TYRO3: variants seen among roughly 807,000 people sequenced by gnomAD.
The protein encoded by TYRO3 is TYRO3 protein tyrosine kinase.
TYRO3 carries 38 observed loss-of-function variants against 95.2 expected under a neutral mutation model. The observed-to-expected ratio is 0.40, with a 90% CI of 0.31 to 0.52. The LOEUF is 0.52. Among genes scored for constraint, TYRO3 ranks in the 20% least tolerant of loss-of-function variants. The probability of loss-of-function intolerance (pLI) is 0.56; values close to 1 mark genes in which losing one functional copy is unlikely to be tolerated. For synonymous variants in TYRO3, 367 were observed against 432.9 expected (o/e 0.85, Z 1.89); for missense variants, 812 against 1,116.4 (o/e 0.73, Z 3.89).
Position 41,568,248 on chromosome 15 carries a change from C to A in TYRO3, c.993C>A (p.Ala331=), listed in dbSNP as rs375950983. The part of the protein sequence containing the change: ...APASAPQNLH[A]IRTDSGLILE... ...CCAGCGCTCCCCAAAACCTCCATGCCATCCGCACAGATTCAGGCCTCATCT... is the reference window on the plus strand; with the variant it reads ...CCAGCGCTCCCCAAAACCTCCATGCAATCCGCACAGATTCAGGCCTCATCT... Residue 331 remains alanine (A), a synonymous_variant, in exon 8 of 19, where the codon GCC becomes GCA. Transcript: ENST00000263798. 1 of 1,612,860 alleles carries A rather than the reference C, an allele frequency of 6.2e-7. No homozygotes were observed. The highest frequency in any genetic ancestry group is 1.7e-5 in the Admixed American group (1 of 59,990).
rs766182104 is a variant in TYRO3 at position 41,578,093 on chromosome 15, G to C, written c.2490G>C (p.Gly830=). ...CTGGCAGGGATCAGCCCTACAGTGGGGCTGGGGATGGCAGTGGCATGGGGG... is the reference window on the plus strand; with the variant it reads ...CTGGCAGGGATCAGCCCTACAGTGGCGCTGGGGATGGCAGTGGCATGGGGG... ...ELPGRDQPYS[G]AGDGSGMGAV... is the part of the protein sequence containing the mutation. The change falls in exon 19 of 19, where the codon GGG becomes GGC. Residue 830 remains glycine (G), a synonymous_variant. Transcript: ENST00000263798. The C allele has an allele frequency of 3.7e-6, 6 of 1,613,900 alleles. No individual in the cohort carries two copies. The highest frequency in any genetic ancestry group is 2.2e-5 in the East Asian group (1 of 44,890).
At chr15:41,562,484 GTGA>G in intron 3 of TYRO3, 61 bp from the exon 4 acceptor site, 1 of 1,448,636 alleles carries the variant, frequency 6.9e-7, no homozygotes, top group Non-Finnish European at 9.4e-7. Context: ...AAACAGACTT[GTGA>G]TTTGTACAGT....
intron 11 of TYRO3, 85 bp from the exon 12 acceptor site, chr15:41,570,519 C>T (rs1323799496): frequency 1.5e-6 from 2 of 1,363,848 alleles, no homozygotes; most frequent in Non-Finnish European, 2.0e-6. Flanking sequence ...TCTCTATGCT[C>T]TGAGGGCAGA....
intron 7 of TYRO3, among the ~76,000 whole-genome samples, chr15:41,567,758 C>T (rs545969190): frequency 6.6e-6 from 1 of 152,196 alleles, no homozygotes; most frequent in Non-Finnish European, 1.5e-5. Flanking sequence ...AAGAGTGTCC[C>T]CAGGTGGTTA....
At chr15:41,561,978 G>A in intron 3 of TYRO3, 1 of 252,106 alleles carries the variant, frequency 4.0e-6, no homozygotes, top group Non-Finnish European at 7.7e-6. Context: ...GCAGCTGCGG[G>A]AGCTCAGAGC....
Position 41,570,153 on chromosome 15 carries a change from T to G in TYRO3, c.1379T>G (p.Phe460Cys). 6.2e-7 allele frequency: 1 copy of G among 1,614,124 alleles called. No individual in the cohort carries two copies. The highest frequency in any genetic ancestry group is 8.5e-7 in the Non-Finnish European group (1 of 1,179,998). ...LLRKRRKETR[F>C]GQAFDSVMAR... ...CGAAAGAGACGGAAAGAGACGCGGT[T>G]TGGGTAAGGGGATGGGGATGTGGAG... is the stretch of plus-strand genomic sequence containing the variant. The change falls in exon 10 of 19, where the codon TTT becomes TGT. Residue 460 changes from phenylalanine to cysteine, a missense_variant. Transcript: ENST00000263798.
intron 5 of TYRO3, chr15:41,564,794 G>A: frequency 5.7e-6 from 3 of 527,688 alleles, no homozygotes; most frequent in Middle Eastern, 5.3e-4. Context: ...CAGGGCCTTC[G>A]TGGCAGGGAG....
At chr15:41,561,694 G>A (rs1383465785) in intron 3 of TYRO3, 55 bp downstream of exon 3, 2 of 1,303,860 alleles carry the variant, frequency 1.5e-6, no homozygotes, top group African/African-American at 2.9e-5. Context: ...CTGTCTGCTG[G>A]TGACTATACC....
At position 41,564,405 on chromosome 15, in the gene TYRO3, G is replaced by A. The variant is rs766022527; in HGVS notation, c.667+135G>A. The A allele has an allele frequency of 9.8e-5, 80 of 815,418 alleles. No homozygotes were observed. In the Middle Eastern group the frequency reaches 1.4e-3, roughly 14 times the overall value. 50.5% of individuals were successfully genotyped at this position (815,418 alleles called of 1,614,324 possible). A position where few individuals can be genotyped will look rare whatever the true frequency, so the allele number is the denominator to read the frequency against. On this transcript the variant is annotated intron_variant, in intron 5 of 18. Transcript: ENST00000263798. ...GATCTAGGGAGCAAGGGGTTAATTG[G>A]CATAGCTCCCATTCCTAGTGGGAGC...
chr15:41,561,743 C>T (rs547671122), intron 3 of TYRO3, 104 bp downstream of exon 3: 9 of 850,276 alleles, frequency 1.1e-5, no homozygotes, highest in Admixed American at 5.3e-5. Context: ...GGCTGCCCCA[C>T]TGCTCTGTGG....
At chr15:41,574,935 T>C (rs2140834766) in intron 18 of TYRO3, among the ~76,000 whole-genome samples, 1 of 152,290 alleles carries the variant, frequency 6.6e-6, no homozygotes, top group South Asian at 2.1e-4. Context: ...GTCAAGCTGG[T>C]CTTGCGCTCC....
In TYRO3 at chr15:41,572,995, C is replaced by G. The variant is rs752078808; in HGVS notation, c.1876-7C>G. 15 of 1,612,540 alleles carry G rather than the reference C, an allele frequency of 9.3e-6. No homozygotes were observed. In the East Asian group the frequency reaches 3.1e-4, roughly 34 times the overall value. ...TTAAGCCTGAGCTTGGCCTGTCTGT[C>G]CACTAGAACCTACCCCTCCAGACCC... On this transcript the variant is annotated splice_region_variant and splice_polypyrimidine_tract_variant and intron_variant, in intron 15 of 18. Coordinates refer to ENST00000263798, the MANE Select transcript of TYRO3 (RefSeq NM_006293.4).
intron 6 of TYRO3, among the ~76,000 whole-genome samples, chr15:41,566,848 A>G (rs2055730680): frequency 6.6e-6 from 1 of 152,238 alleles, no homozygotes; most frequent in Non-Finnish European, 1.5e-5. Flanking sequence ...CTGATTTATA[A>G]TGTTTAAATA....
rs771626601 is a variant in TYRO3 at position 41,568,288 on chromosome 15, G to A, written c.1033G>A (p.Val345Met). ...AGGCCTCATCTTGGAGTGGGAAGAA[G>A]TGATCCCCGAGGCCCCTTTGGAAGG... is the stretch of plus-strand genomic sequence containing the variant. ...DSGLILEWEE[V>M]IPEAPLEGPL... is the part of the protein sequence containing the mutation. The change falls in exon 8 of 19, where the codon GTG becomes ATG. Residue 345 changes from valine (V) to methionine (M), a missense_variant. Physicochemically the swap from Val to Met is conservative, Grantham distance 21. Coordinates refer to ENST00000263798, the MANE Select transcript of TYRO3 (RefSeq NM_006293.4). 6.8e-6 allele frequency: 11 copies of A among 1,613,936 alleles called. No homozygotes were observed. The South Asian group carries it at 1.1e-4, about 16-fold the overall frequency.
rs138043859 is a variant in TYRO3 at position 41,577,904 on chromosome 15, G to C, written c.2301G>C (p.Gln767His). 6.2e-7 allele frequency: 1 copy of C among 1,612,350 alleles called. No individual in the cohort carries two copies. The highest frequency in any genetic ancestry group is 1.3e-5 in the African/African-American group (1 of 74,864). ...ACCCCAGGTATGATCTCATGTACCAGTGCTGGAGTGCTGACCCCAAGCAGC... is the reference window on the plus strand; with the variant it reads ...ACCCCAGGTATGATCTCATGTACCACTGCTGGAGTGCTGACCCCAAGCAGC... ...CMEDVYDLMY[Q>H]CWSADPKQRP... Residue 767 changes from glutamine (Q) to histidine (H), a missense_variant, in exon 19 of 19, where the codon CAG becomes CAC. By Grantham distance (24) the Gln-to-His change is conservative. Coordinates refer to ENST00000263798, the MANE Select transcript of TYRO3 (RefSeq NM_006293.4).
Position 41,564,208 on chromosome 15 carries a change from C to T in TYRO3, c.605C>T (p.Ser202Phe). 6.2e-7 allele frequency: 1 copy of T among 1,614,144 alleles called. No individual in the cohort carries two copies. The highest frequency in any genetic ancestry group is 8.5e-7 in the Non-Finnish European group (1 of 1,180,022). ...VTGVTQSTMF[S>F]CEAHNLKGLA... ...GGGGTGACCCAGAGCACCATGTTTT[C>T]CTGTGAAGCTCACAACCTAAAAGGC... The change falls in exon 5 of 19, where the codon TCC becomes TTC. Residue 202 changes from serine to phenylalanine, a missense_variant. By Grantham distance (155) the Ser-to-Phe change is radical. Transcript: ENST00000263798.
chr15:41,568,423 G>T, intron 8 of TYRO3, 61 bp downstream of exon 8: 1 of 1,516,598 alleles, frequency 6.6e-7, no homozygotes, highest in Non-Finnish European at 8.9e-7. Flanking sequence ...GGGTTCTAAG[G>T]CCTTTAAGAA....
rs1437004138 is a variant in TYRO3, at chr15:41,581,833, A to G, written c.*3557A>G. 1 of 151,076 alleles carries G rather than the reference A, an allele frequency of 6.6e-6. No individual in the cohort carries two copies. Among genetic ancestry groups the G allele is most frequent in the African/African-American group, 2.4e-5 (1 of 41,266 alleles). 9.4% of individuals were successfully genotyped at this position (151,076 alleles called of 1,614,324 possible). On this transcript the variant is annotated 3_prime_UTR_variant, in exon 19 of 19. Coordinates refer to ENST00000263798, the MANE Select transcript of TYRO3 (RefSeq NM_006293.4). ...ACAGAGCGAGACTCCATCTCAAAAA[A>G]AAAAAAAAAAAAAAGAGGCCAGGCA...
In TYRO3 at chr15:41,573,083, C is replaced by T. The variant is rs768534829; in HGVS notation, c.1957C>T (p.His653Tyr). The change falls in exon 16 of 19, where the codon CAC becomes TAC. Residue 653 changes from histidine (H) to tyrosine (Y), a missense_variant. His to Tyr is a moderately conservative substitution (Grantham distance 83, BLOSUM62 2). Transcript: ENST00000263798. ...GTACCTGAGCTCTCGGAACTTCATC[C>T]ACCGAGACCTGGCTGCTCGGAATTG... ...MEYLSSRNFI[H>Y]RDLAARNCML... 4 of 1,614,146 alleles carry T rather than the reference C, an allele frequency of 2.5e-6. No individual in the cohort carries two copies. Among genetic ancestry groups the T allele is most frequent in the Admixed American group, 1.7e-5 (1 of 60,030 alleles).
Sources: gnomAD v4.1 joint callset for allele counts (sites outside exome capture counted in the v4.1 genomes callset) on GRCh38, gnomAD v4.1.1 for gene constraint, MANE v1.5 for transcripts, NCBI Gene and HGNC (gene_info 2026-07-23, HGNC 2026-07-21) for gene names.